MYCT1: variants seen among roughly 807,000 people sequenced by gnomAD.
MYCT1 encodes the protein MYC target 1.
MYCT1 carries 12 observed loss-of-function variants against 15.0 expected under a neutral mutation model. The observed-to-expected ratio is 0.80, with a 90% CI of 0.51 to 1.29. The LOEUF (loss-of-function observed/expected upper bound fraction) is 1.29, where lower values mean the gene tolerates loss of function less well. Among genes scored for constraint, MYCT1 ranks in the 50% most tolerant of loss-of-function variants. The pLI is 0.00. For missense variants in MYCT1, 287 were observed against 279.1 expected, an observed-to-expected ratio of 1.03 and a Z score of -0.20; for synonymous variants, 104 against 102.7, an observed-to-expected ratio of 1.01 and a Z score of -0.07.
intron 1 of MYCT1, among the ~76,000 whole-genome samples, chr6:152,705,561 A>G (rs180674507): frequency 2.0e-5 from 3 of 152,120 alleles, no homozygotes; most frequent in Admixed American, 1.3e-4. Flanking sequence ...AATGCTGAGT[A>G]ATAACATTCC....
chr6:152,734,819 C>T, the MYCT1 span, among the ~76,000 whole-genome samples: 111 of 152,288 alleles, frequency 7.3e-4, no homozygotes, highest in Non-Finnish European at 1.3e-3. Flanking sequence ...CTCATTGAAT[C>T]TTGTGCTATC....
intron 1 of MYCT1, among the ~76,000 whole-genome samples, chr6:152,713,986 C>T (rs4870130): frequency 0.24 from 35,971 of 151,906 alleles, 4,679 homozygotes; most frequent in South Asian, 0.36. Context: ...ATTCTTAAGG[C>T]CTTTAGGTAG....
chr6:152,726,286 A>C (rs544017383), downstream of MYCT1, among the ~76,000 whole-genome samples: 11 of 151,838 alleles, frequency 7.2e-5, no homozygotes, highest in Middle Eastern at 3.4e-3. Flanking sequence ...AATCCCAGCT[A>C]CTCAGGAGGC....
intron 1 of MYCT1, among the ~76,000 whole-genome samples, chr6:152,720,201 C>T (rs1160813091): frequency 6.6e-6 from 1 of 151,920 alleles, no homozygotes. Context: ...CTCTCATCAT[C>T]TGGCAGGCTA....
chr6:152,744,557 G>C, the MYCT1 span, among the ~76,000 whole-genome samples: 1 of 152,154 alleles, frequency 6.6e-6, no homozygotes, highest in Non-Finnish European at 1.5e-5. Flanking sequence ...CCTCAGCAGG[G>C]AGCCGTTGGC....
intron 1 of MYCT1, chr6:152,705,793 CT>C (rs2099722157): frequency 1.7e-6 from 1 of 600,910 alleles, no homozygotes; most frequent in East Asian, 2.8e-5. Flanking sequence ...GATAAAAAAA[CT>C]GGTATGGAAA....
At chr6:152,720,418 G>T (rs1171833031) in intron 1 of MYCT1, among the ~76,000 whole-genome samples, 3 of 152,022 alleles carry the variant, frequency 2.0e-5, no homozygotes, top group Non-Finnish European at 4.4e-5. Context: ...AACGTTTGTG[G>T]CTATTTTCTC....
chr6:152,731,458 T>C, the MYCT1 span, among the ~76,000 whole-genome samples: 1 of 152,130 alleles, frequency 6.6e-6, no homozygotes, highest in African/African-American at 2.4e-5. Flanking sequence ...GCCATGTTGG[T>C]GTGCTGCACC....
intron 1 of MYCT1, among the ~76,000 whole-genome samples, chr6:152,701,586 G>A (rs2099721328): frequency 2.0e-5 from 3 of 152,070 alleles, no homozygotes; most frequent in Non-Finnish European, 4.4e-5. Flanking sequence ...GGGTGGAGGG[G>A]TGGAGGGGTT....
chr6:152,717,923 A>C (rs1263217572), intron 1 of MYCT1, among the ~76,000 whole-genome samples: 1 of 152,138 alleles, frequency 6.6e-6, no homozygotes, highest in Non-Finnish European at 1.5e-5. Context: ...TATTCATTCA[A>C]AATTTAAATA....
At chr6:152,699,488 G>A (rs892882068) in intron 1 of MYCT1, among the ~76,000 whole-genome samples, 9 of 152,204 alleles carry the variant, frequency 5.9e-5, no homozygotes, top group Middle Eastern at 6.8e-3. Context: ...ATTTTAGGTA[G>A]CTAGCACTAG....
chr6:152,736,974 C>G, the MYCT1 span, among the ~76,000 whole-genome samples: 3 of 152,136 alleles, frequency 2.0e-5, no homozygotes, highest in East Asian at 5.8e-4. Context: ...ATGTTGTGAG[C>G]CTTCCAAATG....
downstream of MYCT1, among the ~76,000 whole-genome samples, chr6:152,727,210 CA>C (rs1187850671): frequency 1.5e-3 from 120 of 78,200 alleles, no homozygotes; most frequent in East Asian, 4.9e-3. Flanking sequence ...GACTCAGTCT[CA>C]AAAAAAAAAA....
rs1472559016 is a variant in MYCT1, at chr6:152,724,397, T to C, written c.*2144T>C. 1 of 152,194 alleles carries C rather than the reference T, an allele frequency of 6.6e-6. No individual in the cohort carries two copies. Among genetic ancestry groups the C allele is most frequent in the African/African-American group, 2.4e-5 (1 of 41,468 alleles). 9.4% of individuals were successfully genotyped at this position (152,194 alleles called of 1,614,324 possible). A position where few individuals can be genotyped will look rare whatever the true frequency, so the allele number is the denominator to read the frequency against. On this transcript the variant is annotated 3_prime_UTR_variant, in exon 2 of 2. Transcript: ENST00000367245. ...AAATCCTCTGGGGCATTTAACCATC[T>C]GGCAGAATTGTTGCTGCACCCTTAT...
chr6:152,698,180 C>A, intron 1 of MYCT1, 82 bp downstream of exon 1: 1 of 786,618 alleles, frequency 1.3e-6, no homozygotes, highest in South Asian at 2.7e-5. Flanking sequence ...CAGTGAAAAT[C>A]TCTGAGACAT....
intron 1 of MYCT1, among the ~76,000 whole-genome samples, chr6:152,716,349 C>T (rs2099723688): frequency 1.3e-5 from 2 of 152,156 alleles, no homozygotes; most frequent in African/African-American, 2.4e-5. Context: ...CTCCTATACA[C>T]TCTATGATAC....
chr6:152,708,877 A>G lies in MYCT1; in HGVS notation c.196+10779A>G, dbSNP rs571283509. 1.9e-4 allele frequency among the ~76,000 whole-genome samples: 3 copies of G among 15,568 alleles called. 1 individual carries two copies. In the South Asian group the frequency reaches 7.5e-3, roughly 39 times the overall value. 10.2% of individuals were successfully genotyped at this position (15,568 alleles called of 152,430 possible). A position where few individuals can be genotyped will look rare whatever the true frequency, so the allele number is the denominator to read the frequency against. On this transcript the variant is annotated intron_variant, in intron 1 of 1. Transcript: ENST00000367245. The stretch of plus-strand genomic sequence containing the variant: ...ATTTTTTTATTTTTTTTTTTATTAT[A>G]CTCTAAGTTTTAGGGTACATGTGCA...
intron 1 of MYCT1, among the ~76,000 whole-genome samples, chr6:152,704,783 A>G (rs1469555100): frequency 6.6e-6 from 1 of 152,228 alleles, no homozygotes; most frequent in Non-Finnish European, 1.5e-5. Flanking sequence ...ATTTTGATAT[A>G]CATATATATT....
chr6:152,715,248 T>C (rs2129069864), intron 1 of MYCT1, among the ~76,000 whole-genome samples: 1 of 152,330 alleles, frequency 6.6e-6, no homozygotes, highest in Non-Finnish European at 1.5e-5. Flanking sequence ...GTACGCTTGC[T>C]CTCATTGGTT....
Sources: gnomAD v4.1 joint callset for allele counts (sites outside exome capture counted in the v4.1 genomes callset) on GRCh38, gnomAD v4.1.1 for gene constraint, MANE v1.5 for transcripts, NCBI Gene and HGNC (gene_info 2026-07-23, HGNC 2026-07-21) for gene names.